MGAT5: variants seen among roughly 807,000 people sequenced by gnomAD.
MGAT5 encodes the protein alpha-1,6-mannosylglycoprotein 6-beta-N-acetylglucosaminyltransferase.
A neutral mutation model predicts 94.3 loss-of-function variants in MGAT5; 30 were observed. The ratio of observed to expected loss-of-function variants is 0.32; its 90% CI spans 0.24 to 0.43. MGAT5 has a LOEUF of 0.43. MGAT5 is among the 20% of genes least tolerant of loss of function. The probability of loss-of-function intolerance (pLI) is 1.00; values close to 1 mark genes in which losing one functional copy is unlikely to be tolerated. For synonymous variants in MGAT5, 310 were observed against 322.9 expected, an observed-to-expected ratio of 0.96 and a Z score of 0.43; for missense variants, 691 against 905.5, an observed-to-expected ratio of 0.76 and a Z score of 3.04.
chr2:134,159,226 G>GTGTGTGTGTGT (rs1181895846), intron 1 of MGAT5, among the ~76,000 whole-genome samples: 1 of 46,342 alleles, frequency 2.2e-5, no homozygotes, highest in Non-Finnish European at 5.9e-5. Context: ...TGTGTGTGTG[G>GTGTGTGTGTGT]TCCCTGTATT....
chr2:134,273,355 T>A lies in MGAT5; in HGVS notation c.406+2805T>A, dbSNP rs544031188. Among the ~76,000 whole-genome samples, 4 of 152,250 alleles carry A rather than the reference T, an allele frequency of 2.6e-5. No individual in the cohort carries two copies. The South Asian group carries it at 8.3e-4, about 32-fold the overall frequency. On this transcript the variant is annotated intron_variant, in intron 2 of 15. Coordinates refer to ENST00000281923, the MANE Select transcript of MGAT5 (RefSeq NM_002410.5). ...GGCTCCTGAGCTGTGAGAGTTCAGT[T>A]TTATGGGGTTCCAATCCTCGCCAAG...
intron 10 of MGAT5, among the ~76,000 whole-genome samples, chr2:134,364,517 C>T (rs1680301407): frequency 6.6e-6 from 1 of 152,030 alleles, no homozygotes. Context: ...AAAAGGAATC[C>T]CAAAACCATT....
chr2:134,304,245 A>C (rs1686198655), intron 2 of MGAT5, among the ~76,000 whole-genome samples: 1 of 152,162 alleles, frequency 6.6e-6, no homozygotes, highest in African/African-American at 2.4e-5. Flanking sequence ...TACAATATAC[A>C]ATAACCACCA....
At chr2:134,259,604 C>T (rs912269842) in intron 1 of MGAT5, among the ~76,000 whole-genome samples, 2 of 152,176 alleles carry the variant, frequency 1.3e-5, no homozygotes, top group African/African-American at 4.8e-5. Flanking sequence ...TGCCGACCCC[C>T]ATCCCACTTT....
In MGAT5 at chr2:134,237,123, A is replaced by ATGTGTATGTATGTGTGTGTGTGTG. The variant is rs367744090; in HGVS notation, c.-142-17134_-142-17133insATGTATGTGTGTGTGTGTGTGTGT. On this transcript the variant is annotated intron_variant, in intron 1 of 16. Transcript: ENST00000409645. Reference sequence around the variant, plus strand: ...TAGGTAGGTTATGTAGAAGGAGTATATGTGTGTGTGTGTGTGTGTGTGTGT... The same window carrying ATGTGTATGTATGTGTGTGTGTGTG: ...TAGGTAGGTTATGTAGAAGGAGTATATGTGTATGTATGTGTGTGTGTGTGTGTGTGTGTGTGTGTGTGTGTGTGT... Among the ~76,000 whole-genome samples, 252 of 140,716 alleles carry ATGTGTATGTATGTGTGTGTGTGTG rather than the reference A, an allele frequency of 1.8e-3. 4 individuals carry two copies. The East Asian group carries it at 0.037, about 21-fold the overall frequency. The allele number at this position is 140,716 out of a possible 152,430, so 92.3% of individuals were successfully genotyped here.
rs78052424 is a variant in MGAT5, at chr2:134,377,197, G to T, written c.1380+14789G>T. ...TAACTTTTCTCATGTAACACAGTGT[G>T]GGGTATGGGGCTGGTTTCTTCACTG... On this transcript the variant is annotated intron_variant, in intron 10 of 15. Coordinates refer to ENST00000281923, the MANE Select transcript of MGAT5 (RefSeq NM_002410.5). Among the ~76,000 whole-genome samples, 397 of 152,326 alleles carry T rather than the reference G, an allele frequency of 2.6e-3. 2 individuals are homozygous for T. The highest frequency in any genetic ancestry group is 0.019 in the East Asian group (99 of 5,178).
Position 134,441,772 on chromosome 2 carries a change from G to C in MGAT5, c.1884G>C (p.Gly628=). The change falls in exon 15 of 16, where the codon GGG becomes GGC. Residue 628 remains glycine, a synonymous_variant. Coordinates refer to ENST00000281923, the MANE Select transcript of MGAT5 (RefSeq NM_002410.5). ...TGTCGTTCTAGGACTTCTGCCATGG[G>C]CAAGTGATGTGGCCACCCCTCAGCG... The part of the protein sequence containing the change: ...AFIEKQDFCH[G]QVMWPPLSAL... 2 of 1,612,634 alleles carry C rather than the reference G, an allele frequency of 1.2e-6. No homozygotes were observed. Among genetic ancestry groups the C allele is most frequent in the Non-Finnish European group, 1.7e-6 (2 of 1,178,876 alleles).
chr2:134,145,189 G>A (rs1202087203), intron 1 of MGAT5, among the ~76,000 whole-genome samples: 2 of 144,522 alleles, frequency 1.4e-5, no homozygotes, highest in Non-Finnish European at 3.0e-5. Context: ...TATAACCAAA[G>A]TAAGGTGTGT....
chr2:134,195,998 C>T (rs62165711), intron 1 of MGAT5, among the ~76,000 whole-genome samples: 16,478 of 152,092 alleles, frequency 0.11, 932 homozygotes, highest in Middle Eastern at 0.14. Flanking sequence ...TCCAAAAATT[C>T]CAGGGTAAAA....
chr2:134,299,221 G>A (rs1055661160), intron 2 of MGAT5, among the ~76,000 whole-genome samples: 3 of 152,216 alleles, frequency 2.0e-5, no homozygotes, highest in Admixed American at 2.0e-4. Flanking sequence ...GTGGAAGTTG[G>A]TCTCACTGGC....
At chr2:134,302,824 C>A (rs142339538) in intron 2 of MGAT5, among the ~76,000 whole-genome samples, 274 of 149,596 alleles carry the variant, frequency 1.8e-3, no homozygotes, top group African/African-American at 6.5e-3. Flanking sequence ...CATCTTTGTT[C>A]CCTTTTATGT....
chr2:134,330,554 AGTGTGTGTGTGTGT>A (rs34688054), intron 4 of MGAT5, among the ~76,000 whole-genome samples: 2 of 148,494 alleles, frequency 1.3e-5, no homozygotes, highest in Admixed American at 6.7e-5. Context: ...TAAATTGTGT[AGTGTGTGTGTGTGT>A]GTGTGTGTGT....
In MGAT5 at chr2:134,190,659, G is replaced by GT. The variant is rs35476059; in HGVS notation, c.-142-63596dup. On this transcript the variant is annotated intron_variant, in intron 1 of 16. Coordinates refer to the MGAT5 transcript ENST00000409645. ...TTCAAATCTCCTCTCCTTTGTTTTTGTTTTTTTCAGACAGTCTCTCTTTGC... is the reference window on the plus strand; with the variant it reads ...TTCAAATCTCCTCTCCTTTGTTTTTGTTTTTTTTCAGACAGTCTCTCTTTGC... 0.015 allele frequency among the ~76,000 whole-genome samples: 2,310 copies of GT among 152,088 alleles called. 200 individuals are homozygous for GT. The East Asian group carries it at 0.25, about 16-fold the overall frequency.
intron 2 of MGAT5, among the ~76,000 whole-genome samples, chr2:134,301,342 C>A (rs1226568440): frequency 6.6e-6 from 1 of 151,998 alleles, no homozygotes; most frequent in African/African-American, 2.4e-5. Flanking sequence ...GACACATGAG[C>A]CTGTCTTTTT....
chr2:134,280,468 A>T (rs1202840852), intron 2 of MGAT5, among the ~76,000 whole-genome samples: 1 of 152,176 alleles, frequency 6.6e-6, no homozygotes, highest in Non-Finnish European at 1.5e-5. Context: ...CTGCATTTTG[A>T]TTTGCATTGT....
At chr2:134,341,064 A>G (rs1688597499) in intron 6 of MGAT5, among the ~76,000 whole-genome samples, 2 of 152,196 alleles carry the variant, frequency 1.3e-5, no homozygotes, top group Non-Finnish European at 2.9e-5. Flanking sequence ...ATATTTACAG[A>G]TGAAAGGATA....
chr2:134,228,595 C>T (rs558592227), intron 1 of MGAT5, among the ~76,000 whole-genome samples: 114 of 152,296 alleles, frequency 7.5e-4, no homozygotes, highest in African/African-American at 2.6e-3. Context: ...CAATGTTAAG[C>T]TTTTCCAGTA....
intron 15 of MGAT5, among the ~76,000 whole-genome samples, chr2:134,444,555 C>A (rs146529855): frequency 6.6e-6 from 1 of 152,230 alleles, no homozygotes; most frequent in Non-Finnish European, 1.5e-5. Context: ...TGAGTGCCTC[C>A]TCAGTGTGGA....
chr2:134,434,075 C>A (rs1685034468), intron 14 of MGAT5, among the ~76,000 whole-genome samples: 1 of 152,200 alleles, frequency 6.6e-6, no homozygotes, highest in African/African-American at 2.4e-5. Context: ...CCTTCTGTTA[C>A]CACTCCTCCG....
Sources: gnomAD v4.1 joint callset for allele counts (sites outside exome capture counted in the v4.1 genomes callset) on GRCh38, gnomAD v4.1.1 for gene constraint, MANE v1.5 for transcripts, NCBI Gene and HGNC (gene_info 2026-07-23, HGNC 2026-07-21) for gene names.